SLC37A1: variants seen among roughly 807,000 people sequenced by gnomAD.
The protein encoded by SLC37A1 is glucose-6-phosphate exchanger SLC37A1.
Under a neutral mutation model 75.3 loss-of-function variants are expected in SLC37A1, and 49 were observed. The observed-to-expected ratio is 0.65, with a 90% CI of 0.52 to 0.83. The LOEUF is 0.83. Among genes scored for constraint, SLC37A1 ranks in the 40% least tolerant of loss-of-function variants. The pLI is 0.00. For synonymous variants in SLC37A1, 268 were observed against 292.1 expected (o/e 0.92, Z 0.84); for missense variants, 566 against 695.0 (o/e 0.81, Z 2.09).
intron 2 of SLC37A1, among the ~76,000 whole-genome samples, chr21:42,519,393 C>T (rs769530127): frequency 9.9e-5 from 15 of 152,144 alleles, no homozygotes; most frequent in Non-Finnish European, 1.8e-4. Context: ...GTTTTGTGAT[C>T]ATTCCTGTTT....
At chr21:42,537,680 C>A (rs183476370) in intron 5 of SLC37A1, among the ~76,000 whole-genome samples, 59 of 152,260 alleles carry the variant, frequency 3.9e-4, no homozygotes, top group African/African-American at 1.3e-3. Flanking sequence ...TGCTGGGGTT[C>A]AGAAAGCCTG....
chr21:42,529,177 T>C (rs2054877275), intron 3 of SLC37A1, among the ~76,000 whole-genome samples: 1 of 152,086 alleles, frequency 6.6e-6, no homozygotes, highest in Non-Finnish European at 1.5e-5. Flanking sequence ...GATTAGAAAA[T>C]ATGGAATATT....
intron 6 of SLC37A1, among the ~76,000 whole-genome samples, chr21:42,541,932 G>A (rs1318813814): frequency 6.6e-6 from 1 of 152,086 alleles, no homozygotes; most frequent in Non-Finnish European, 1.5e-5. Context: ...GTAGACAAGG[G>A]GGTCTCTCTA....
intron 1 of SLC37A1, 119 bp from the exon 2 acceptor site, chr21:42,518,158 G>A (rs1405859797): frequency 1.8e-5 from 7 of 398,246 alleles, no homozygotes; most frequent in South Asian, 5.0e-5. Context: ...TGTATCAGAC[G>A]TGCAGCTTTG....
intron 3 of SLC37A1, among the ~76,000 whole-genome samples, chr21:42,533,799 G>A (rs2055060113): frequency 6.6e-6 from 1 of 152,168 alleles, no homozygotes; most frequent in Non-Finnish European, 1.5e-5. Context: ...GGAGACCGAG[G>A]CAGGGGCAGC....
chr21:42,555,980 T>A (rs567536029), intron 10 of SLC37A1, among the ~76,000 whole-genome samples: 1 of 152,306 alleles, frequency 6.6e-6, no homozygotes, highest in Admixed American at 6.5e-5. Context: ...ATGTCCCCTT[T>A]CCCAGAGTGA....
chr21:42,549,150 C>T (rs1485817810), intron 9 of SLC37A1, among the ~76,000 whole-genome samples: 1 of 151,848 alleles, frequency 6.6e-6, no homozygotes, highest in Admixed American at 6.5e-5. Flanking sequence ...CCCGGACCAG[C>T]CGTCTTGAGA....
Position 42,580,566 on chromosome 21 carries a change from T to C in SLC37A1, c.*206T>C. 1 of 581,458 alleles carries C rather than the reference T, an allele frequency of 1.7e-6. No individual in the cohort carries two copies. Among genetic ancestry groups the C allele is most frequent in the South Asian group, 2.1e-5 (1 of 47,746 alleles). The allele number at this position is 581,458 out of a possible 1,614,324, so 36.0% of individuals were successfully genotyped here. On this transcript the variant is annotated 3_prime_UTR_variant, in exon 20 of 20. Transcript: ENST00000352133. ...TTGCTGAACAGCAGTGAGAAAAGTC[T>C]GCAGGAACTGCTGCCTGAGCCAAGC...
rs376933026 is a variant in SLC37A1, at chr21:42,543,613, G to A, written c.730+11G>A. On this transcript the variant is annotated intron_variant, in intron 8 of 19. Transcript: ENST00000352133. ...TCTTCCTCATTGAACGTAAGTGCAC[G>A]TGGCCTTGGAGACCACCCACCAAGG... 2.1e-5 allele frequency: 34 copies of A among 1,583,188 alleles called. No homozygotes were observed. Among genetic ancestry groups the A allele is most frequent in the African/African-American group, 4.1e-5 (3 of 73,844 alleles).
At chr21:42,542,359 G>A in intron 6 of SLC37A1, 45 bp from the exon 7 acceptor site, 1 of 1,587,250 alleles carries the variant, frequency 6.3e-7, no homozygotes, top group South Asian at 1.1e-5. Flanking sequence ...CGCTGTCCCG[G>A]GCCTGCTTCC....
At chr21:42,513,486 G>A (rs926700012), upstream of SLC37A1, among the ~76,000 whole-genome samples, 2 of 152,048 alleles carry the variant, frequency 1.3e-5, no homozygotes, top group Admixed American at 6.5e-5. Context: ...GGGGCGCGGC[G>A]GCATGTGACC....
intron 2 of SLC37A1, chr21:42,502,678 T>A (rs556889587): frequency 6.6e-6 from 1 of 152,244 alleles, no homozygotes; most frequent in African/African-American, 2.4e-5. Context: ...TCAACTTTAA[T>A]ATCTTACCAG....
intron 17 of SLC37A1, among the ~76,000 whole-genome samples, chr21:42,572,088 G>C (rs1297617637): frequency 6.6e-6 from 1 of 152,212 alleles, no homozygotes; most frequent in Admixed American, 6.5e-5. Context: ...ACAAGTGCGT[G>C]ATGGCTGGAT....
chr21:42,520,394 A>G (rs1227141513), intron 2 of SLC37A1, among the ~76,000 whole-genome samples: 2 of 152,226 alleles, frequency 1.3e-5, no homozygotes, highest in South Asian at 4.1e-4. Flanking sequence ...TGAAGAGTTC[A>G]AGCCACTTAT....
intron 1 of SLC37A1, among the ~76,000 whole-genome samples, chr21:42,516,193 T>C (rs2054518751): frequency 6.6e-6 from 1 of 152,228 alleles, no homozygotes; most frequent in Non-Finnish European, 1.5e-5. Context: ...ACTTGGGCAG[T>C]GTGCCAAAAA....
Position 42,580,620 on chromosome 21 carries a change from G to A in SLC37A1, c.*260G>A. Reference sequence around the variant, plus strand: ...AGAACCGAAGACCCGGCCGGCCCTGGCCTCACAGGCGTGTGCCCATGCAGC... The same window carrying A: ...AGAACCGAAGACCCGGCCGGCCCTGACCTCACAGGCGTGTGCCCATGCAGC... On this transcript the variant is annotated 3_prime_UTR_variant, in exon 20 of 20. Coordinates refer to ENST00000352133, the MANE Select transcript of SLC37A1 (RefSeq NM_001320537.2). 3.0e-6 allele frequency: 1 copy of A among 337,144 alleles called. No homozygotes were observed. The highest frequency in any genetic ancestry group is 5.6e-6 in the Non-Finnish European group (1 of 178,378). The allele number at this position is 337,144 out of a possible 1,614,324, so 20.9% of individuals were successfully genotyped here.
Position 42,564,784 on chromosome 21 carries a change from G to A in SLC37A1, c.1212G>A (p.Ala404=), listed in dbSNP as rs748164227. ...ASTCGLMLLL[A]APTLYIFSTV... ...CCTGCGGCCTGATGCTGCTGCTCGC[G>A]GCCCCCACGGTCAGCCGTGCTGCCT... The change falls in exon 14 of 20, where the codon GCG becomes GCA. Residue 404 remains alanine (A), a synonymous_variant. Transcript: ENST00000352133. 2.0e-5 allele frequency: 32 copies of A among 1,605,236 alleles called. 1 individual carries two copies. Among genetic ancestry groups the A allele is most frequent in the South Asian group, 7.7e-5 (7 of 91,076 alleles).
chr21:42,533,197 T>C (rs1324484492), intron 3 of SLC37A1, among the ~76,000 whole-genome samples: 1 of 152,108 alleles, frequency 6.6e-6, no homozygotes, highest in East Asian at 1.9e-4. Flanking sequence ...TGCACTGCCC[T>C]CCAGACCCCT....
chr21:42,566,651 G>C (rs1168797257), intron 15 of SLC37A1, among the ~76,000 whole-genome samples: 1 of 152,152 alleles, frequency 6.6e-6, no homozygotes, highest in Non-Finnish European at 1.5e-5. Context: ...GGTCCGGAGA[G>C]AGGGTGGGGG....
Sources: allele counts gnomAD v4.1 joint callset (sites outside exome capture counted in the v4.1 genomes callset), GRCh38; gene constraint gnomAD v4.1.1; transcripts MANE v1.5; gene names NCBI Gene and HGNC (gene_info 2026-07-23, HGNC 2026-07-21).